The following CHIA variants were observed in gnomAD, a reference collection of about 807,000 sequenced individuals.
CHIA encodes acidic mammalian chitinase.
Under a neutral mutation model 53.5 loss-of-function variants are expected in CHIA, and 47 were observed. The observed-to-expected ratio is 0.88, with a 90% CI of 0.70 to 1.12. CHIA has a LOEUF of 1.12. Among genes scored for constraint, CHIA ranks in the 50% most tolerant of loss-of-function variants. The pLI, the probability that CHIA is intolerant of heterozygous loss-of-function variation, is 0.00. For synonymous variants in CHIA, 268 were observed against 222.2 expected, an observed-to-expected ratio of 1.21 and a Z score of -1.83; for missense variants, 652 against 592.2, an observed-to-expected ratio of 1.10 and a Z score of -1.05.
At chr1:111,304,757 A>C (rs1374341171) in intron 1 of CHIA, among the ~76,000 whole-genome samples, 1 of 151,680 alleles carries the variant, frequency 6.6e-6, no homozygotes, top group Non-Finnish European at 1.5e-5. Context: ...CTGTTGATTT[A>C]TTTTTTTCGT....
intron 1 of CHIA, among the ~76,000 whole-genome samples, chr1:111,307,042 G>A (rs1273027116): frequency 2.0e-5 from 3 of 152,184 alleles, no homozygotes; most frequent in African/African-American, 7.2e-5. Flanking sequence ...AAACTTTCTA[G>A]CTAAATAGTA....
At chr1:111,301,261 G>A (rs1352120616) in intron 1 of CHIA, among the ~76,000 whole-genome samples, 2 of 152,134 alleles carry the variant, frequency 1.3e-5, no homozygotes, top group Non-Finnish European at 2.9e-5. Context: ...AATCATGCTA[G>A]TATAAAGATA....
intron 1 of CHIA, among the ~76,000 whole-genome samples, chr1:111,306,406 GA>G (rs1203964426): frequency 6.6e-6 from 1 of 152,024 alleles, no homozygotes; most frequent in Non-Finnish European, 1.5e-5. Flanking sequence ...TACCCACATG[GA>G]AAAAATGAAA....
rs373861430 is a variant in CHIA at position 111,310,466 on chromosome 1, C to T, written c.-2C>T. On this transcript the variant is annotated 5_prime_UTR_variant, in exon 2 of 12. Coordinates refer to ENST00000369740, the MANE Select transcript of CHIA (RefSeq NM_201653.4). ...TCTGCGGGACTGGTGCTGACTGCAA[C>T]CATGACAAAGCTTATTCTCCTCACA... 4.2e-5 allele frequency: 68 copies of T among 1,614,044 alleles called. No individual in the cohort carries two copies. Among genetic ancestry groups the T allele is most frequent in the Non-Finnish European group, 5.1e-5 (60 of 1,180,020 alleles).
chr1:111,297,918 A>C (rs1028354165), intron 1 of CHIA, among the ~76,000 whole-genome samples: 10 of 149,462 alleles, frequency 6.7e-5, no homozygotes, highest in African/African-American at 2.2e-4. Flanking sequence ...AAAAAAAAAA[A>C]AAAAAAACAA....
intron 4 of CHIA, among the ~76,000 whole-genome samples, chr1:111,314,265 GT>G (rs141364525): frequency 2.4e-3 from 369 of 152,264 alleles, no homozygotes; most frequent in African/African-American, 8.3e-3. Flanking sequence ...AGCTATTCAT[GT>G]TTTTTAAACT....
rs1649320111 is a variant in CHIA at position 111,318,089 on chromosome 1, A to G, written c.709A>G (p.Ser237Gly). The change falls in exon 8 of 12, where the codon AGC becomes GGC. Residue 237 changes from serine (S) to glycine (G), a missense_variant. By Grantham distance (56) the Ser-to-Gly change is moderately conservative. Transcript: ENST00000369740. Reference protein sequence around the residue: ...PLYKYPTDTGSNAYLNVDYVM... With the variant: ...PLYKYPTDTGGNAYLNVDYVM... ...CTACAAATACCCGACTGACACCGGCAGCAACGCCTACCTCAATGTGGTGAG... is the reference window on the plus strand; with the variant it reads ...CTACAAATACCCGACTGACACCGGCGGCAACGCCTACCTCAATGTGGTGAG... 6.2e-7 allele frequency: 1 copy of G among 1,613,062 alleles called. No individual in the cohort carries two copies.
At chr1:111,307,436 A>G (rs1319014634) in intron 1 of CHIA, among the ~76,000 whole-genome samples, 1 of 152,196 alleles carries the variant, frequency 6.6e-6, no homozygotes, top group African/African-American at 2.4e-5. Flanking sequence ...ATAATAAGTG[A>G]ATATAAAACT....
intron 4 of CHIA, among the ~76,000 whole-genome samples, chr1:111,313,106 A>G (rs1648820747): frequency 6.6e-6 from 1 of 152,210 alleles, no homozygotes; most frequent in Non-Finnish European, 1.5e-5. Context: ...TAGTGCTGCA[A>G]TGAACATGGA....
chr1:111,307,344 A>G (rs1264904686), intron 1 of CHIA, among the ~76,000 whole-genome samples: 2 of 152,246 alleles, frequency 1.3e-5, no homozygotes, highest in African/African-American at 4.8e-5. Context: ...AATGCAAGAA[A>G]TAGAAGAATG....
intron 1 of CHIA, among the ~76,000 whole-genome samples, chr1:111,297,901 C>CAAAAAAAAAAAAAAAAAA (rs1188512345): frequency 8.8e-4 from 28 of 31,844 alleles, no homozygotes; most frequent in African/African-American, 1.5e-3. Context: ...AAATGGAAAG[C>CAAAAAAAAAAAAAAAAAA]AAAAAAAAAA....
chr1:111,312,230 C>T lies in CHIA; in HGVS notation c.96C>T (p.Ala32=), dbSNP rs754985114. Residue 32 remains alanine, a synonymous_variant, in exon 4 of 12, where the codon GCC becomes GCT. Transcript: ENST00000369740. ...TGACATGCTACTTCACCAACTGGGCCCAGTACCGGCCAGGCCTGGGGCGCT... is the reference window on the plus strand; with the variant it reads ...TGACATGCTACTTCACCAACTGGGCTCAGTACCGGCCAGGCCTGGGGCGCT... ...YQLTCYFTNW[A]QYRPGLGRFM... 2 of 1,614,112 alleles carry T rather than the reference C, an allele frequency of 1.2e-6. No homozygotes were observed. Among genetic ancestry groups the T allele is most frequent in the Middle Eastern group, 1.6e-4 (1 of 6,062 alleles).
intron 6 of CHIA, 175 bp from the exon 7 acceptor site, chr1:111,317,506 C>A (rs1649252439): frequency 1.5e-6 from 1 of 673,066 alleles, no homozygotes; most frequent in Non-Finnish European, 2.4e-6. Flanking sequence ...CCAGAAAATT[C>A]AATAATATTA....
At chr1:111,308,030 C>T (rs1390169445) in intron 1 of CHIA, among the ~76,000 whole-genome samples, 1 of 152,084 alleles carries the variant, frequency 6.6e-6, no homozygotes. Flanking sequence ...TTATTGAAAA[C>T]AATAATGTAA....
chr1:111,293,495 C>G (rs1315738904), intron 1 of CHIA, among the ~76,000 whole-genome samples: 1 of 152,168 alleles, frequency 6.6e-6, no homozygotes, highest in Non-Finnish European at 1.5e-5. Flanking sequence ...TATCTCTTAT[C>G]AGATAAACTC....
chr1:111,307,304 G>C (rs1648265379), intron 1 of CHIA, among the ~76,000 whole-genome samples: 1 of 152,146 alleles, frequency 6.6e-6, no homozygotes. Context: ...GTACCAAGTG[G>C]ATAAATCTCA....
chr1:111,310,349 G>A (rs542945320), intron 1 of CHIA, 51 bp from the exon 2 acceptor site: 6 of 1,557,844 alleles, frequency 3.9e-6, no homozygotes, highest in South Asian at 3.7e-5. Context: ...AAGGTCCGTT[G>A]ATTTACTGAT....
At chr1:111,306,210 A>G (rs886174613) in intron 1 of CHIA, among the ~76,000 whole-genome samples, 10 of 152,318 alleles carry the variant, frequency 6.6e-5, no homozygotes, top group African/African-American at 2.4e-4. Context: ...TGGGATTTTT[A>G]TGATAAAACT....
intron 1 of CHIA, among the ~76,000 whole-genome samples, chr1:111,310,170 C>A (rs17027391): frequency 5.3e-5 from 8 of 152,142 alleles, no homozygotes; most frequent in Admixed American, 2.0e-4. Context: ...TGCTTATCAG[C>A]CCTTGGAACT....
Sources: gnomAD v4.1 joint callset for allele counts (sites outside exome capture counted in the v4.1 genomes callset) on GRCh38, gnomAD v4.1.1 for gene constraint, MANE v1.5 for transcripts, NCBI Gene and HGNC (gene_info 2026-07-23, HGNC 2026-07-21) for gene names.